SUPV3L1: variants seen among roughly 807,000 people sequenced by gnomAD.
SUPV3L1 encodes the protein ATP-dependent RNA helicase SUPV3L1, mitochondrial.
In SUPV3L1, 35 loss-of-function variants were observed where a neutral mutation model predicts 70.0. That is an observed-to-expected ratio of 0.50 (90% CI 0.38 to 0.66). The LOEUF is 0.66. Among genes scored for constraint, SUPV3L1 ranks in the 30% least tolerant of loss-of-function variants. The probability of loss-of-function intolerance (pLI) is 0.00; values close to 1 mark genes in which losing one functional copy is unlikely to be tolerated. For missense variants in SUPV3L1, 777 were observed against 961.5 expected (o/e 0.81, Z 2.54); for synonymous variants, 364 against 341.9 (o/e 1.06, Z -0.71).
chr10:69,196,286 A>G (rs1842540346), intron 7 of SUPV3L1, among the ~76,000 whole-genome samples: 2 of 152,076 alleles, frequency 1.3e-5, no homozygotes, highest in Admixed American at 6.6e-5. Flanking sequence ...GAGGCAAGGA[A>G]TTCAAGACCA....
At position 69,208,972 on chromosome 10, in the gene SUPV3L1, AAC is replaced by A. The variant is rs779770110; in HGVS notation, c.2300_2301del (p.Thr767ArgfsTer17). 2 of 1,614,162 alleles carry A rather than the reference AAC, an allele frequency of 1.2e-6. No homozygotes were observed. Among genetic ancestry groups the A allele is most frequent in the Admixed American group, 3.3e-5 (2 of 60,014 alleles). On this transcript the variant is annotated frameshift_variant, in exon 15 of 15. Transcript: ENST00000359655. LOFTEE classifies it high-confidence loss of function. ...TQQTEHNKEK[T>X]ESGTHPKGTR... ...AACAAACTGAACACAACAAAGAAAA[AAC>A]AGAGTCTGGGACTCATCCAAAAGGG...
intron 1 of SUPV3L1, among the ~76,000 whole-genome samples, chr10:69,184,616 T>TACAC (rs59328806): frequency 0.026 from 3,744 of 146,082 alleles, 59 homozygotes; most frequent in African/African-American, 0.04. Flanking sequence ...GAAATATAAA[T>TACAC]ACACACACAC....
At chr10:69,187,938 C>A (rs1041159332) in intron 4 of SUPV3L1, among the ~76,000 whole-genome samples, 182 bp downstream of exon 4, 3 of 152,164 alleles carry the variant, frequency 2.0e-5, no homozygotes, top group Admixed American at 6.5e-5. Flanking sequence ...TTACCTTGAT[C>A]CGGATTGAGT....
intron 2 of SUPV3L1, 77 bp downstream of exon 2, chr10:69,186,141 C>CA: frequency 7.9e-7 from 1 of 1,268,574 alleles, no homozygotes. Flanking sequence ...TACGACCCCT[C>CA]ATGTGACCTG....
intron 3 of SUPV3L1, among the ~76,000 whole-genome samples, chr10:69,187,226 C>A (rs1418393746): frequency 1.3e-5 from 2 of 151,396 alleles, no homozygotes; most frequent in Non-Finnish European, 2.9e-5. Context: ...GTGGTGGTTG[C>A]TAGCCAATTT....
chr10:69,207,853 A>AG lies in SUPV3L1; in HGVS notation c.1837_1838insG (p.Lys613ArgfsTer8). ...CTTTGCATGGTTACGCCGATACATCAAATGGCCTTTACTTCCACCTAAGAA... is the reference window on the plus strand; with the variant it reads ...CTTTGCATGGTTACGCCGATACATCAGAATGGCCTTTACTTCCACCTAAGAA... On this transcript the variant is annotated frameshift_variant, in exon 14 of 15. Transcript: ENST00000359655. LOFTEE classifies it high-confidence loss of function. 6.2e-7 allele frequency: 1 copy of AG among 1,614,194 alleles called. No individual in the cohort carries two copies. Among genetic ancestry groups the AG allele is most frequent in the South Asian group, 1.1e-5 (1 of 91,088 alleles).
rs922427425 is a variant in SUPV3L1 at position 69,182,674 on chromosome 10, G to C, written c.271+2112G>C. 4.1e-6 allele frequency: 4 copies of C among 985,256 alleles called. No homozygotes were observed. In the Admixed American group the frequency reaches 2.5e-4, roughly 61 times the overall value. The allele number at this position is 985,256 out of a possible 1,614,324, so 61.0% of individuals were successfully genotyped here. On this transcript the variant is annotated intron_variant, in intron 1 of 14. Coordinates refer to ENST00000359655, the MANE Select transcript of SUPV3L1 (RefSeq NM_003171.5). ...TGCCAGGTGATTTTTCATCTCCTTT[G>C]ACTGGGATTGGTCCAGATGTTGAAT...
chr10:69,192,649 G>T (rs971562141), intron 6 of SUPV3L1: 14 of 152,118 alleles, frequency 9.2e-5, no homozygotes, highest in African/African-American at 3.4e-4. Context: ...AGGATATTTA[G>T]GTTGTTTAAA....
intron 6 of SUPV3L1, among the ~76,000 whole-genome samples, chr10:69,194,400 C>T (rs1048535852): frequency 2.6e-5 from 4 of 151,382 alleles, no homozygotes; most frequent in African/African-American, 9.7e-5. Flanking sequence ...TGCCCAGGCT[C>T]GAGTGCAGTA....
At chr10:69,186,090 G>A (rs1321201131) in intron 2 of SUPV3L1, 26 bp downstream of exon 2, 1 of 1,594,762 alleles carries the variant, frequency 6.3e-7, no homozygotes, top group Non-Finnish European at 8.6e-7. Context: ...TCTTCATAGA[G>A]GTATTTTATT....
intron 13 of SUPV3L1, among the ~76,000 whole-genome samples, chr10:69,206,218 T>A (rs1842823854): frequency 6.6e-6 from 1 of 152,202 alleles, no homozygotes; most frequent in African/African-American, 2.4e-5. Flanking sequence ...TTCTACCCTT[T>A]ATGGCTATCC....
At position 69,208,806 on chromosome 10, in the gene SUPV3L1, G is replaced by A. The variant is rs766861162; in HGVS notation, c.2132G>A (p.Arg711His). Residue 711 changes from arginine to histidine, a missense_variant, in exon 15 of 15, where the codon CGC (arginine) becomes CAC (histidine). Transcript: ENST00000359655. ...TTAAAGAGCCAAGCTAGAAGGACAC[G>A]CGGCACCAAAGCTCTAGGGAGTAAA... ...GTLKSQARRT[R>H]GTKALGSKAT... The A allele has an allele frequency of 1.4e-5, 23 of 1,614,032 alleles. No individual in the cohort carries two copies. The East Asian group carries it at 1.6e-4, about 11-fold the overall frequency.
chr10:69,198,051 T>C (rs796376398), intron 8 of SUPV3L1, among the ~76,000 whole-genome samples: 4 of 152,284 alleles, frequency 2.6e-5, no homozygotes, highest in African/African-American at 9.6e-5. Flanking sequence ...TGGGCTCAGT[T>C]TTACTATTTT....
Position 69,199,097 on chromosome 10 carries a change from GT to G in SUPV3L1, c.1205-3del. Reference sequence around the variant, plus strand: ...CACTGATTTAACATAAATTGTTCTTGTTTTAGGGACCAAACTTGCTCAAGCA... The same window carrying G: ...CACTGATTTAACATAAATTGTTCTTGTTTAGGGACCAAACTTGCTCAAGCA... On this transcript the variant is annotated splice_polypyrimidine_tract_variant and splice_region_variant and intron_variant, in intron 9 of 14. Coordinates refer to ENST00000359655, the MANE Select transcript of SUPV3L1 (RefSeq NM_003171.5). The G allele has an allele frequency of 6.2e-7, 1 of 1,606,774 alleles. No individual in the cohort carries two copies. The highest frequency in any genetic ancestry group is 8.5e-7 in the Non-Finnish European group (1 of 1,177,306).
chr10:69,203,393 G>T (rs1338961915), intron 13 of SUPV3L1, among the ~76,000 whole-genome samples: 1 of 152,176 alleles, frequency 6.6e-6, no homozygotes, highest in Non-Finnish European at 1.5e-5. Flanking sequence ...GCCGGGTGCA[G>T]TGGCTCACGC....
chr10:69,188,963 A>T (rs1403154143), intron 4 of SUPV3L1, among the ~76,000 whole-genome samples: 3 of 152,218 alleles, frequency 2.0e-5, no homozygotes, highest in Admixed American at 2.0e-4. Context: ...TGAACATAGT[A>T]TGGAACTGAT....
rs1842324507 is a variant in SUPV3L1, at chr10:69,189,348, C to A, written c.654C>A (p.Ile218=). The A allele has an allele frequency of 2.5e-6, 4 of 1,613,956 alleles. No homozygotes were observed. The highest frequency in any genetic ancestry group is 3.4e-6 in the Non-Finnish European group (4 of 1,179,998). ...PTNSGKTYHA[I]QKYFSAKSGV... Reference sequence around the variant, plus strand: ...ACAGTGGAAAGACTTATCACGCAATCCAGAAATACTTCTCAGCAAAGTCTG... The same window carrying A: ...ACAGTGGAAAGACTTATCACGCAATACAGAAATACTTCTCAGCAAAGTCTG... The change falls in exon 5 of 15, where the codon ATC becomes ATA. Residue 218 remains isoleucine, a synonymous_variant. Transcript: ENST00000359655.
At chr10:69,182,280 C>T (rs1308583442) in intron 1 of SUPV3L1, among the ~76,000 whole-genome samples, 1 of 152,122 alleles carries the variant, frequency 6.6e-6, no homozygotes, top group African/African-American at 2.4e-5. Context: ...CAGACCTGAG[C>T]CACTGCACCC....
rs200900544 is a variant in SUPV3L1 at position 69,208,857 on chromosome 10, C to A, written c.2183C>A (p.Ala728Glu). The change falls in exon 15 of 15, where the codon GCA becomes GAA. Residue 728 changes from alanine (A) to glutamate (E), a missense_variant. Physicochemically the swap from Ala to Glu is moderately radical, Grantham distance 107. Coordinates refer to ENST00000359655, the MANE Select transcript of SUPV3L1 (RefSeq NM_003171.5). ...SKATEPPSPD[A>E]GELSLASRLV... ...GCTACTGAGCCACCCAGCCCCGATG[C>A]AGGAGAGCTGTCCCTTGCTTCCAGA... The A allele has an allele frequency of 1.0e-3, 1,694 of 1,614,146 alleles. 2 individuals are homozygous for A. The highest frequency in any genetic ancestry group is 1.3e-3 in the Non-Finnish European group (1,556 of 1,180,024).
Sources: allele counts gnomAD v4.1 joint callset (sites outside exome capture counted in the v4.1 genomes callset), GRCh38; gene constraint gnomAD v4.1.1; transcripts MANE v1.5; gene names NCBI Gene and HGNC (gene_info 2026-07-23, HGNC 2026-07-21).